ANKRD6: variants seen among roughly 807,000 people sequenced by gnomAD.
The protein encoded by ANKRD6 is ankyrin repeat domain 6.
Under a neutral mutation model 82.3 loss-of-function variants are expected in ANKRD6, and 56 were observed. The ratio of observed to expected loss-of-function variants is 0.68; its 90% CI spans 0.55 to 0.85. ANKRD6 has a LOEUF of 0.85. ANKRD6 is among the 40% of genes least tolerant of loss of function. The pLI is 0.00. For missense variants in ANKRD6, 852 were observed against 907.6 expected, an observed-to-expected ratio of 0.94 and a Z score of 0.79; for synonymous variants, 347 against 352.1, an observed-to-expected ratio of 0.99 and a Z score of 0.16.
At chr6:89,576,742 G>C (rs972939266) in intron 2 of ANKRD6, among the ~76,000 whole-genome samples, 1 of 151,964 alleles carries the variant, frequency 6.6e-6, no homozygotes, top group Non-Finnish European at 1.5e-5. Flanking sequence ...CCTCCCCAAG[G>C]TGCCTTCTCC....
intron 1 of ANKRD6, among the ~76,000 whole-genome samples, chr6:89,455,476 C>T (rs886988804): frequency 6.6e-6 from 1 of 152,020 alleles, no homozygotes; most frequent in Admixed American, 6.6e-5. Context: ...AACACTAAGC[C>T]ATTTGATGTG....
chr6:89,488,113 C>A (rs1170817470), intron 1 of ANKRD6, among the ~76,000 whole-genome samples: 1 of 152,166 alleles, frequency 6.6e-6, no homozygotes. Flanking sequence ...TCCCACCTGT[C>A]GTCTCTTTTT....
chr6:89,555,388 C>A (rs1435946459), intron 1 of ANKRD6, among the ~76,000 whole-genome samples: 2 of 152,036 alleles, frequency 1.3e-5, no homozygotes, highest in Non-Finnish European at 2.9e-5. Flanking sequence ...TGGCCTCATT[C>A]AATTTTTGCA....
chr6:89,442,002 T>G (rs569797644), intron 1 of ANKRD6, among the ~76,000 whole-genome samples: 2 of 151,916 alleles, frequency 1.3e-5, no homozygotes, highest in Admixed American at 1.3e-4. Context: ...TTTATTTTTA[T>G]TTTTTTATTT....
chr6:89,553,717 C>T lies in ANKRD6; in HGVS notation c.-143-13117C>T, dbSNP rs779651340. Among the ~76,000 whole-genome samples the T allele has an allele frequency of 7.2e-5, 11 of 152,058 alleles. No individual in the cohort carries two copies. The East Asian group carries it at 9.6e-4, about 13-fold the overall frequency. ...TGGCAGCTGGAGAGACCCCAGCCAG[C>T]GTGCCTCTCGTCTCGCCCTCACCAG... On this transcript the variant is annotated intron_variant, in intron 1 of 15. Transcript: ENST00000339746.
intron 2 of ANKRD6, among the ~76,000 whole-genome samples, chr6:89,578,056 C>T (rs908702578): frequency 6.6e-6 from 1 of 152,112 alleles, no homozygotes; most frequent in Admixed American, 6.5e-5. Flanking sequence ...AGGGTGAGCC[C>T]CCCAGAGTTC....
chr6:89,623,809 C>T (rs547739840), intron 11 of ANKRD6, 63 bp from the exon 12 acceptor site: 18 of 1,515,368 alleles, frequency 1.2e-5, no homozygotes, highest in South Asian at 9.1e-5. Flanking sequence ...TGGGCGCCAC[C>T]GACTGGTGTC....
At chr6:89,599,449 G>T (rs976419581) in intron 3 of ANKRD6, among the ~76,000 whole-genome samples, 4 of 152,162 alleles carry the variant, frequency 2.6e-5, no homozygotes, top group Non-Finnish European at 5.9e-5. Context: ...CAGCATTTAA[G>T]AATTTCATGA....
intron 1 of ANKRD6, among the ~76,000 whole-genome samples, chr6:89,488,480 C>T (rs1302089560): frequency 1.3e-5 from 2 of 152,048 alleles, no homozygotes; most frequent in East Asian, 1.9e-4. Flanking sequence ...CATGACAGTG[C>T]AATTATGAGG....
intron 1 of ANKRD6, among the ~76,000 whole-genome samples, chr6:89,468,835 T>G (rs75453786): frequency 0.026 from 3,993 of 152,244 alleles, 83 homozygotes; most frequent in Non-Finnish European, 0.037. Flanking sequence ...ATTGCAAACC[T>G]TTTTCTCTTG....
At chr6:89,617,915 G>T (rs771909046) in intron 8 of ANKRD6, 39 bp from the exon 9 acceptor site, 1 of 1,598,486 alleles carries the variant, frequency 6.3e-7, no homozygotes, top group African/African-American at 1.3e-5. Context: ...TGTGGGACCC[G>T]TGGCCCTTTC....
chr6:89,436,323 C>T (rs1770631621), intron 1 of ANKRD6, among the ~76,000 whole-genome samples: 1 of 152,112 alleles, frequency 6.6e-6, no homozygotes. Flanking sequence ...CACAGAAAAC[C>T]CAGCTTTGCA....
chr6:89,605,921 G>A lies in ANKRD6; in HGVS notation c.319-86G>A, dbSNP rs976990658. ...ATTGAGAAAGGCCGTCTGGTGTTCC[G>A]TAAAAATCCACTGTGATGTATTGAT... On this transcript the variant is annotated intron_variant, in intron 4 of 15. Coordinates refer to ENST00000339746, the MANE Select transcript of ANKRD6 (RefSeq NM_001242809.2). 1.2e-5 allele frequency: 11 copies of A among 941,344 alleles called. No homozygotes were observed. The African/African-American group carries it at 1.3e-4, about 11-fold the overall frequency. The allele number at this position is 941,344 out of a possible 1,614,324, so 58.3% of individuals were successfully genotyped here.
In ANKRD6 at chr6:89,616,675, A is replaced by G. The variant is rs765870013; in HGVS notation, c.714+18A>G. ...TTAACAATGTAAGTTGAGTTGCAAC[A>G]TTGCTTTCTAAAGTGGTTCCCACCC... On this transcript the variant is annotated intron_variant, in intron 8 of 15. Coordinates refer to ENST00000339746, the MANE Select transcript of ANKRD6 (RefSeq NM_001242809.2). 2 of 1,612,618 alleles carry G rather than the reference A, an allele frequency of 1.2e-6. No individual in the cohort carries two copies. The highest frequency in any genetic ancestry group is 1.7e-6 in the Non-Finnish European group (2 of 1,178,620).
chr6:89,507,981 A>G (rs1410893457), intron 1 of ANKRD6, among the ~76,000 whole-genome samples: 1 of 152,132 alleles, frequency 6.6e-6, no homozygotes, highest in Non-Finnish European at 1.5e-5. Context: ...GATTATGAAA[A>G]TGTTCATACA....
At chr6:89,524,300 C>T (rs935682702) in intron 1 of ANKRD6, among the ~76,000 whole-genome samples, 1 of 152,076 alleles carries the variant, frequency 6.6e-6, no homozygotes, top group Non-Finnish European at 1.5e-5. Context: ...TCCCTCACCC[C>T]CCTCCCACCT....
At chr6:89,603,320 ATTTTTTTTT>A (rs1229759944) in intron 4 of ANKRD6, among the ~76,000 whole-genome samples, 193 bp downstream of exon 4, 2 of 114,710 alleles carry the variant, frequency 1.7e-5, no homozygotes, top group Non-Finnish European at 3.5e-5. Flanking sequence ...GCCAATTGTA[ATTTTTTTTT>A]TTTTTTTTTT....
intron 2 of ANKRD6, among the ~76,000 whole-genome samples, chr6:89,582,573 T>A (rs1792792737): frequency 6.6e-6 from 1 of 152,174 alleles, no homozygotes; most frequent in Admixed American, 6.6e-5. Flanking sequence ...ACCATCCATT[T>A]CCAGATCTTT....
At chr6:89,480,278 A>C (rs891892313) in intron 1 of ANKRD6, among the ~76,000 whole-genome samples, 1 of 152,166 alleles carries the variant, frequency 6.6e-6, no homozygotes, top group Non-Finnish European at 1.5e-5. Context: ...TCTCCACCAG[A>C]CTCAAAATCC....
Sources: allele counts gnomAD v4.1 joint callset (sites outside exome capture counted in the v4.1 genomes callset), GRCh38; gene constraint gnomAD v4.1.1; transcripts MANE v1.5; gene names NCBI Gene and HGNC (gene_info 2026-07-23, HGNC 2026-07-21).